Variants in TM6SF1 observed in about 807,000 individuals in gnomAD.
The protein encoded by TM6SF1 is transmembrane 6 superfamily member 1.
A neutral mutation model predicts 47.1 loss-of-function variants in TM6SF1; 43 were observed. The observed-to-expected ratio is 0.91, with a 90% confidence interval of 0.72 to 1.18. TM6SF1 has a LOEUF of 1.18. Ranked by LOEUF, TM6SF1 falls within the 50% of genes most tolerant of loss-of-function variation. The probability of loss-of-function intolerance (pLI) is 0.00; values close to 1 mark genes in which losing one functional copy is unlikely to be tolerated. For synonymous variants in TM6SF1, 177 were observed against 166.3 expected, an observed-to-expected ratio of 1.06 and a Z score of -0.49; for missense variants, 390 against 449.0, an observed-to-expected ratio of 0.87 and a Z score of 1.19.
chr15:83,119,460 C>T, intron 3 of TM6SF1, 118 bp from the exon 4 acceptor site: 3 of 1,059,766 alleles, frequency 2.8e-6, no homozygotes, highest in Non-Finnish European at 4.2e-6. Flanking sequence ...GAAATAGTTT[C>T]ATCTTAGCAG....
rs1156583074 is a variant in TM6SF1, at chr15:83,127,459, T to C, written c.903T>C (p.His301=). ...CSWMPDITLI[H]AGGLAQAQFS... Reference sequence around the variant, plus strand: ...GGATGCCTGACATCACATTGATACATGCTGGAGGTCTGGCTCAGGTACTAA... The same window carrying C: ...GGATGCCTGACATCACATTGATACACGCTGGAGGTCTGGCTCAGGTACTAA... Residue 301 remains histidine (H), a synonymous_variant, in exon 9 of 10, where the codon CAT becomes CAC. Transcript: ENST00000322019. 5 of 1,613,796 alleles carry C rather than the reference T, an allele frequency of 3.1e-6. No individual in the cohort carries two copies. The highest frequency in any genetic ancestry group is 4.2e-6 in the Non-Finnish European group (5 of 1,179,878).
At chr15:83,121,361 C>T (rs1399937410) in intron 4 of TM6SF1, among the ~76,000 whole-genome samples, 1 of 151,994 alleles carries the variant, frequency 6.6e-6, no homozygotes, top group Non-Finnish European at 1.5e-5. Flanking sequence ...GGATTACAGG[C>T]ATGAGCCACC....
intron 8 of TM6SF1, 53 bp from the exon 9 acceptor site, chr15:83,127,305 A>G: frequency 6.7e-7 from 1 of 1,488,688 alleles, no homozygotes; most frequent in Non-Finnish European, 8.9e-7. Flanking sequence ...CTTTTTAGTC[A>G]GGCCAAGTTA....
chr15:83,121,286 T>G (rs1450727619), intron 4 of TM6SF1, among the ~76,000 whole-genome samples: 3 of 151,772 alleles, frequency 2.0e-5, no homozygotes, highest in Admixed American at 6.6e-5. Flanking sequence ...TTCACCATGT[T>G]GGCCAGGCTG....
intron 2 of TM6SF1, 159 bp from the exon 3 acceptor site, chr15:83,115,685 TG>T: frequency 1.4e-6 from 1 of 703,604 alleles, no homozygotes; most frequent in Non-Finnish European, 2.6e-6. Context: ...GAGGTCCAGC[TG>T]GGTGTGTAGA....
chr15:83,127,629 C>A, intron 9 of TM6SF1, 152 bp downstream of exon 9: 1 of 773,014 alleles, frequency 1.3e-6, no homozygotes, highest in Non-Finnish European at 2.1e-6. Flanking sequence ...GACATTTCTG[C>A]AAGTACATTT....
At chr15:83,125,284 A>G (rs2035637922) in intron 7 of TM6SF1, among the ~76,000 whole-genome samples, 1 of 152,156 alleles carries the variant, frequency 6.6e-6, no homozygotes, top group African/African-American at 2.4e-5. Context: ...GAGTCTTTGT[A>G]TTGATGTGAC....
chr15:83,122,024 G>A (rs1166717356), intron 5 of TM6SF1, 21 bp downstream of exon 5: 1 of 1,577,252 alleles, frequency 6.3e-7, no homozygotes, highest in Non-Finnish European at 8.7e-7. Context: ...TTATCTTAAA[G>A]TTCACTTTCC....
intron 7 of TM6SF1, among the ~76,000 whole-genome samples, chr15:83,125,615 G>A (rs1596507797): frequency 1.3e-5 from 2 of 152,280 alleles, no homozygotes; most frequent in Admixed American, 1.3e-4. Context: ...CCAATTTGAT[G>A]ATTTCTTCTT....
intron 1 of TM6SF1, among the ~76,000 whole-genome samples, chr15:83,110,192 C>G (rs781176506): frequency 2.0e-5 from 3 of 152,150 alleles, no homozygotes; most frequent in Non-Finnish European, 4.4e-5. Context: ...TTCTGTCTCC[C>G]TCTCTCACTG....
intron 9 of TM6SF1, chr15:83,135,205 T>TA (rs547851987): frequency 7.2e-5 from 11 of 152,318 alleles, no homozygotes; most frequent in South Asian, 4.1e-4. Flanking sequence ...CTGCCACTGA[T>TA]AAAAAATTCA....
At chr15:83,113,034 C>A in intron 2 of TM6SF1, 134 bp downstream of exon 2, 1 of 748,116 alleles carries the variant, frequency 1.3e-6, no homozygotes, top group Non-Finnish European at 2.3e-6. Context: ...AGGGGTGTTT[C>A]AGGACAATCT....
chr15:83,115,796 A>AT (rs1175844614), intron 2 of TM6SF1, 49 bp from the exon 3 acceptor site: 7 of 1,240,546 alleles, frequency 5.6e-6, no homozygotes, highest in Non-Finnish European at 8.3e-6. Flanking sequence ...GCTTGTAGTA[A>AT]TTGTCTCCTG....
intron 5 of TM6SF1, among the ~76,000 whole-genome samples, chr15:83,122,430 G>T (rs2035352180): frequency 6.6e-6 from 1 of 152,148 alleles, no homozygotes; most frequent in Non-Finnish European, 1.5e-5. Context: ...GATATAGGGA[G>T]ATAGATATAT....
In TM6SF1 at chr15:83,137,135, TA is replaced by T. The variant is rs2036660682; in HGVS notation, c.*464del. 6.6e-6 allele frequency: 1 copy of T among 152,246 alleles called. No individual in the cohort carries two copies. The highest frequency in any genetic ancestry group is 1.5e-5 in the Non-Finnish European group (1 of 68,048). The allele number at this position is 152,246 out of a possible 1,614,324, so 9.4% of individuals were successfully genotyped here. On this transcript the variant is annotated 3_prime_UTR_variant, in exon 10 of 10. Coordinates refer to ENST00000322019, the MANE Select transcript of TM6SF1 (RefSeq NM_023003.5). ...CAATATAAAAGGCAAATCATCAGAA[TA>T]TTTTTAAATGTTGTTTGAAAAATGT...
intron 2 of TM6SF1, chr15:83,114,915 T>C (rs1007364324): frequency 2.6e-5 from 4 of 152,248 alleles, no homozygotes; most frequent in African/African-American, 9.6e-5. Flanking sequence ...CTGACAGGTA[T>C]AGCTTTCCTT....
At chr15:83,128,469 T>C (rs2035962691) in intron 9 of TM6SF1, 1 of 152,214 alleles carries the variant, frequency 6.6e-6, no homozygotes, top group Non-Finnish European at 1.5e-5. Context: ...TTGCTGGTTG[T>C]TTTTCCTTTG....
chr15:83,129,018 A>G (rs1007269377), intron 9 of TM6SF1: 2 of 152,068 alleles, frequency 1.3e-5, no homozygotes, highest in African/African-American at 4.8e-5. Flanking sequence ...TTTTAAAGAG[A>G]TGGGATCTTA....
At chr15:83,127,630 A>G (rs1395798504) in intron 9 of TM6SF1, 153 bp downstream of exon 9, 3 of 770,568 alleles carry the variant, frequency 3.9e-6, no homozygotes, top group Non-Finnish European at 6.4e-6. Flanking sequence ...ACATTTCTGC[A>G]AGTACATTTT....
Sources: allele counts gnomAD v4.1 joint callset (sites outside exome capture counted in the v4.1 genomes callset), GRCh38; gene constraint gnomAD v4.1.1; transcripts MANE v1.5; gene names NCBI Gene and HGNC (gene_info 2026-07-23, HGNC 2026-07-21).